Variants in PIGL observed in about 807,000 individuals in gnomAD.
PIGL encodes the protein phosphatidylinositol glycan anchor biosynthesis class L.
A neutral mutation model predicts 31.1 loss-of-function variants in PIGL; 22 were observed. That is an observed-to-expected ratio of 0.71 (90% CI 0.51 to 1.01). The LOEUF is 1.01. Among genes scored for constraint, PIGL ranks in the 50% least tolerant of loss-of-function variants. PIGL has a pLI of 0.00. For missense variants in PIGL, 302 were observed against 315.9 expected (o/e 0.96, Z 0.33); for synonymous variants, 131 against 117.4 (o/e 1.12, Z -0.75).
intron 2 of PIGL, among the ~76,000 whole-genome samples, chr17:16,258,384 C>T (rs1406049251): frequency 5.9e-5 from 9 of 151,406 alleles, no homozygotes; most frequent in Non-Finnish European, 1.2e-4. Context: ...TTTGCGATAT[C>T]GGCCAGGCTG....
Position 16,243,480 on chromosome 17 carries a change from T to C in PIGL, c.335+9410T>C, listed in dbSNP as rs74956108. ...GGAAAAAGTTTAGATTTATTCTTGA[T>C]CTTACTTGCTTCATGGTAAACTACT... On this transcript the variant is annotated intron_variant, in intron 2 of 6. Coordinates refer to ENST00000225609, the MANE Select transcript of PIGL (RefSeq NM_004278.4). 2.8e-4 allele frequency among the ~76,000 whole-genome samples: 42 copies of C among 152,362 alleles called. 1 individual carries two copies. The East Asian group carries it at 6.0e-3, about 22-fold the overall frequency.
intron 6 of PIGL, among the ~76,000 whole-genome samples, chr17:16,324,107 C>A (rs1366155435): frequency 6.6e-6 from 1 of 151,374 alleles, no homozygotes; most frequent in Non-Finnish European, 1.5e-5. Flanking sequence ...CAGGCGTGCA[C>A]CACCATGCCC....
intron 1 of PIGL, among the ~76,000 whole-genome samples, chr17:16,219,172 T>G (rs948834425): frequency 6.6e-6 from 1 of 151,084 alleles, no homozygotes; most frequent in East Asian, 1.9e-4. Flanking sequence ...GTTCACGCCC[T>G]TCTTTCTGGG....
At chr17:16,231,410 A>G (rs943813891) in intron 1 of PIGL, among the ~76,000 whole-genome samples, 1 of 148,656 alleles carries the variant, frequency 6.7e-6, no homozygotes, top group Non-Finnish European at 1.5e-5. Context: ...AATTTTTAAA[A>G]TTTTTCTTTT....
chr17:16,282,300 C>T (rs752801740), intron 2 of PIGL, among the ~76,000 whole-genome samples: 17 of 152,130 alleles, frequency 1.1e-4, no homozygotes, highest in Non-Finnish European at 2.2e-4. Context: ...TGAACATGCA[C>T]GAGGGAGGTA....
intron 2 of PIGL, among the ~76,000 whole-genome samples, chr17:16,266,917 G>C (rs957853148): frequency 3.4e-5 from 5 of 147,808 alleles, no homozygotes; most frequent in East Asian, 4.2e-4. Flanking sequence ...GGGGGGGGGG[G>C]GGTTGTCGTG....
chr17:16,233,174 A>G (rs1232031681), intron 1 of PIGL, among the ~76,000 whole-genome samples: 1 of 152,106 alleles, frequency 6.6e-6, no homozygotes, highest in Admixed American at 6.6e-5. Flanking sequence ...CAAGAAAGTT[A>G]AGTAACTTGC....
At chr17:16,312,406 G>A (rs181044138) in intron 3 of PIGL, 1,767 of 158,250 alleles carry the variant, frequency 0.011, 46 homozygotes, top group African/African-American at 0.041. Flanking sequence ...ACGGGATGGC[G>A]GCCGGGAAGA....
chr17:16,297,572 C>T (rs1203349302), intron 2 of PIGL, among the ~76,000 whole-genome samples: 1 of 152,196 alleles, frequency 6.6e-6, no homozygotes, highest in Non-Finnish European at 1.5e-5. Flanking sequence ...CATTCCAAGA[C>T]ATTTTCTCTG....
At chr17:16,325,159 C>G (rs1172593336) in intron 6 of PIGL, among the ~76,000 whole-genome samples, 2 of 151,972 alleles carry the variant, frequency 1.3e-5, no homozygotes, top group Non-Finnish European at 2.9e-5. Flanking sequence ...TCCTGGCTAA[C>G]ACAGTGAAAC....
chr17:16,301,772 T>C (rs1396208263), intron 3 of PIGL, among the ~76,000 whole-genome samples: 1 of 151,848 alleles, frequency 6.6e-6, no homozygotes, highest in African/African-American at 2.4e-5. Context: ...GGGGTTCCCC[T>C]ATGTTAGCCA....
At chr17:16,301,146 AT>A (rs1004954343) in intron 3 of PIGL, among the ~76,000 whole-genome samples, 58 of 147,346 alleles carry the variant, frequency 3.9e-4, no homozygotes, top group East Asian at 9.8e-4. Context: ...TTTTTTTTTA[AT>A]TTTTTTTTTT....
chr17:16,240,876 AGGG>A, intron 2 of PIGL, among the ~76,000 whole-genome samples: 1 of 100,042 alleles, frequency 1.0e-5, no homozygotes, highest in East Asian at 2.1e-4. Flanking sequence ...TGGGAGGCCG[AGGG>A]GGTGGGGGGC....
At chr17:16,267,532 A>G (rs1251809655) in intron 2 of PIGL, among the ~76,000 whole-genome samples, 1 of 152,046 alleles carries the variant, frequency 6.6e-6, no homozygotes, top group Admixed American at 6.6e-5. Context: ...TTTAGCCATT[A>G]GGTCTCAGAA....
At chr17:16,245,147 C>T (rs1306048284) in intron 2 of PIGL, among the ~76,000 whole-genome samples, 1 of 152,104 alleles carries the variant, frequency 6.6e-6, no homozygotes, top group African/African-American at 2.4e-5. Flanking sequence ...TGCCCACCAC[C>T]ACGCCCAGCT....
At chr17:16,298,089 C>A (rs1370719745) in intron 2 of PIGL, among the ~76,000 whole-genome samples, 1 of 152,174 alleles carries the variant, frequency 6.6e-6, no homozygotes, top group Non-Finnish European at 1.5e-5. Flanking sequence ...GAAAAACTAT[C>A]TTCCATGAAA....
chr17:16,278,395 C>A (rs575820643), intron 2 of PIGL, among the ~76,000 whole-genome samples: 2 of 152,158 alleles, frequency 1.3e-5, no homozygotes, highest in African/African-American at 2.4e-5. Context: ...AGGATCAAAC[C>A]CGATTCTTAA....
intron 4 of PIGL, among the ~76,000 whole-genome samples, chr17:16,315,255 G>A (rs1187561091): frequency 1.3e-5 from 2 of 152,182 alleles, no homozygotes; most frequent in African/African-American, 4.8e-5. Context: ...TCATGGACAT[G>A]CCACCAATCT....
chr17:16,285,097 A>G lies in PIGL; in HGVS notation c.336-14791A>G, dbSNP rs143518271. ...CAGCCTCCCAAAAGGCTGAGATTAC[A>G]GGGGTGAGACACCACACCTGGCCAA... is the stretch of plus-strand genomic sequence containing the variant. On this transcript the variant is annotated intron_variant, in intron 2 of 6. Transcript: ENST00000225609. Among the ~76,000 whole-genome samples the G allele has an allele frequency of 3.6e-3, 547 of 152,262 alleles. 3 individuals carry two copies. The highest frequency in any genetic ancestry group is 6.0e-3 in the Non-Finnish European group (409 of 68,020).
Sources: allele counts gnomAD v4.1 joint callset (sites outside exome capture counted in the v4.1 genomes callset), GRCh38; gene constraint gnomAD v4.1.1; transcripts MANE v1.5; gene names NCBI Gene and HGNC (gene_info 2026-07-23, HGNC 2026-07-21).